Variants in HTR3B observed in about 807,000 individuals in gnomAD.
HTR3B encodes 5-hydroxytryptamine (serotonin) receptor 3B, ionotropic.
In HTR3B, 44 loss-of-function variants were observed where a neutral mutation model predicts 42.8. The ratio of observed to expected loss-of-function variants is 1.03; its 90% CI spans 0.81 to 1.32. The LOEUF is 1.32. HTR3B is among the 40% of genes most tolerant of loss of function. The pLI, the probability that HTR3B is intolerant of heterozygous loss-of-function variation, is 0.00. For synonymous variants in HTR3B, 203 were observed against 209.0 expected (o/e 0.97, Z 0.25); for missense variants, 527 against 536.5 (o/e 0.98, Z 0.17).
chr11:113,932,579 T>G, intron 5 of HTR3B, 121 bp downstream of exon 5: 2 of 906,834 alleles, frequency 2.2e-6, no homozygotes, highest in Non-Finnish European at 1.6e-6. Flanking sequence ...TTGGAATCTC[T>G]TCTTGCGGTT....
intron 2 of HTR3B, among the ~76,000 whole-genome samples, chr11:113,910,680 T>C (rs990280001): frequency 6.6e-6 from 1 of 151,978 alleles, no homozygotes; most frequent in East Asian, 1.9e-4. Context: ...CCTCAAGTGA[T>C]CCATCTGCCT....
chr11:113,910,444 T>C (rs1186223432), intron 2 of HTR3B, among the ~76,000 whole-genome samples: 61 of 65,492 alleles, frequency 9.3e-4, no homozygotes, highest in Middle Eastern at 8.2e-3. Flanking sequence ...TTCTCTCTCT[T>C]TTTTTTTTTT....
chr11:113,918,301 C>G (rs1949877178), intron 2 of HTR3B, among the ~76,000 whole-genome samples: 2 of 136,588 alleles, frequency 1.5e-5, no homozygotes, highest in Admixed American at 1.6e-4. Context: ...GTGTGTAGTT[C>G]TATGTAATTT....
intron 2 of HTR3B, among the ~76,000 whole-genome samples, chr11:113,930,258 C>T (rs1349260254): frequency 2.0e-5 from 3 of 151,952 alleles, no homozygotes; most frequent in Non-Finnish European, 4.4e-5. Flanking sequence ...GTCTAAGAAA[C>T]CATTGCCTAA....
intron 2 of HTR3B, among the ~76,000 whole-genome samples, chr11:113,928,525 T>C (rs867452722): frequency 7.2e-5 from 11 of 152,194 alleles, no homozygotes; most frequent in Middle Eastern, 3.2e-3. Context: ...TGTTGTAACA[T>C]GTGTCAGAAT....
At chr11:113,941,510 GCT>G (rs934092315) in intron 6 of HTR3B, among the ~76,000 whole-genome samples, 1 of 152,218 alleles carries the variant, frequency 6.6e-6, no homozygotes, top group Non-Finnish European at 1.5e-5. Context: ...TACAAGAGCA[GCT>G]CTGTGTGGCC....
chr11:113,929,874 A>G (rs1213738010), intron 2 of HTR3B, among the ~76,000 whole-genome samples: 1 of 152,044 alleles, frequency 6.6e-6, no homozygotes, highest in Non-Finnish European at 1.5e-5. Context: ...CTGGGACTAC[A>G]GGCGCCCACG....
chr11:113,899,749 T>C, the HTR3B span, among the ~76,000 whole-genome samples: 6 of 152,218 alleles, frequency 3.9e-5, no homozygotes, highest in Admixed American at 1.3e-4. Flanking sequence ...CCCTTGCTTC[T>C]TCCAAAAGAC....
chr11:113,943,101 G>A lies in HTR3B; in HGVS notation c.816G>A (p.Val272=). 1 of 1,614,128 alleles carries A rather than the reference G, an allele frequency of 6.2e-7. No individual in the cohort carries two copies. ...YLPPNCRARI[V]FKTSVLVGYT... ...CACCCAACTGCCGAGCCAGGATTGT[G>A]TTCAAGACCAGTGTGCTGGTGGGCT... The change falls in exon 7 of 9, where the codon GTG becomes GTA. Residue 272 remains valine (V), a synonymous_variant. Coordinates refer to ENST00000260191, the MANE Select transcript of HTR3B (RefSeq NM_006028.5).
intron 1 of HTR3B, among the ~76,000 whole-genome samples, chr11:113,906,188 T>G (rs1418553273): frequency 6.6e-6 from 1 of 152,218 alleles, no homozygotes; most frequent in Non-Finnish European, 1.5e-5. Context: ...CGTGGATACT[T>G]GTTGCAGAAA....
intron 6 of HTR3B, 107 bp downstream of exon 6, chr11:113,933,200 C>A: frequency 8.9e-7 from 1 of 1,122,302 alleles, no homozygotes; most frequent in Admixed American, 2.5e-5. Context: ...TTCATTATCA[C>A]CCAAGAACAG....
At chr11:113,937,594 T>A (rs1950101462) in intron 6 of HTR3B, among the ~76,000 whole-genome samples, 3 of 152,206 alleles carry the variant, frequency 2.0e-5, no homozygotes, top group African/African-American at 7.2e-5. Flanking sequence ...TATCTGCATT[T>A]TTACAAATAA....
In HTR3B at chr11:113,946,065, A is replaced by G. The variant is rs1950175239; in HGVS notation, c.1254A>G (p.Gln418=). ...LLSRFDRLLF[Q]SYLFMLGIYT... is the part of the protein sequence containing the mutation. Reference sequence around the variant, plus strand: ...CCCGCTTTGACCGACTGCTCTTCCAAAGCTACCTTTTCATGCTGGGGATCT... The same window carrying G: ...CCCGCTTTGACCGACTGCTCTTCCAGAGCTACCTTTTCATGCTGGGGATCT... The change falls in exon 9 of 9, where the codon CAA becomes CAG. Residue 418 remains glutamine (Q), a synonymous_variant. Coordinates refer to ENST00000260191, the MANE Select transcript of HTR3B (RefSeq NM_006028.5). 6.8e-7 allele frequency: 1 copy of G among 1,466,454 alleles called. No individual in the cohort carries two copies. Among genetic ancestry groups the G allele is most frequent in the Admixed American group, 2.0e-5 (1 of 50,524 alleles). 90.8% of individuals were successfully genotyped at this position (1,466,454 alleles called of 1,614,324 possible).
At chr11:113,928,329 A>G (rs932626758) in intron 2 of HTR3B, among the ~76,000 whole-genome samples, 2 of 152,228 alleles carry the variant, frequency 1.3e-5, no homozygotes, top group African/African-American at 2.4e-5. Flanking sequence ...TATTGCGAAC[A>G]GTGAAAACTG....
chr11:113,930,820 G>A (rs1372353733), intron 2 of HTR3B, among the ~76,000 whole-genome samples: 2 of 152,038 alleles, frequency 1.3e-5, no homozygotes, highest in Non-Finnish European at 2.9e-5. Flanking sequence ...GTTTTGGGGG[G>A]TCTTTTAAAA....
chr11:113,913,334 C>A (rs918411286), intron 2 of HTR3B, among the ~76,000 whole-genome samples: 3 of 142,958 alleles, frequency 2.1e-5, no homozygotes, highest in Non-Finnish European at 4.5e-5. Context: ...CAGGTGCCTG[C>A]CACCATGTCT....
intron 2 of HTR3B, among the ~76,000 whole-genome samples, chr11:113,909,971 C>G (rs1949770365): frequency 8.1e-6 from 1 of 122,888 alleles, no homozygotes; most frequent in Non-Finnish European, 1.6e-5. Flanking sequence ...GTAGCAGATC[C>G]AGACCTTGTC....
intron 4 of HTR3B, 110 bp downstream of exon 4, chr11:113,931,977 G>A (rs2137521899): frequency 1.3e-6 from 1 of 744,308 alleles, no homozygotes; most frequent in East Asian, 2.5e-5. Context: ...CAAGTTGAAG[G>A]GGAGCATATT....
At chr11:113,941,336 A>T (rs1950133025) in intron 6 of HTR3B, among the ~76,000 whole-genome samples, 2 of 152,238 alleles carry the variant, frequency 1.3e-5, no homozygotes, top group Non-Finnish European at 1.5e-5. Context: ...ATGACAGTCC[A>T]GGCCGTAGTG....
Sources: allele counts gnomAD v4.1 joint callset (sites outside exome capture counted in the v4.1 genomes callset), GRCh38; gene constraint gnomAD v4.1.1; transcripts MANE v1.5; gene names NCBI Gene and HGNC (gene_info 2026-07-23, HGNC 2026-07-21).